The following MLLT10 variants were observed in gnomAD, a reference collection of about 807,000 sequenced individuals.
MLLT10 encodes MLLT10 histone lysine methyltransferase DOT1L cofactor, also known as protein AF-10.
In MLLT10, 30 loss-of-function variants were observed where a neutral mutation model predicts 129.1. The observed-to-expected ratio is 0.23, with a 90% CI of 0.17 to 0.32. The LOEUF is 0.32. Ranked by LOEUF, MLLT10 falls within the 10% of genes least tolerant of loss-of-function variation. The probability of loss-of-function intolerance (pLI) is 1.00; values close to 1 mark genes in which losing one functional copy is unlikely to be tolerated. For missense variants in MLLT10, 1,119 were observed against 1,268.3 expected, an observed-to-expected ratio of 0.88 and a Z score of 1.79; for synonymous variants, 490 against 446.4, an observed-to-expected ratio of 1.10 and a Z score of -1.23.
At chr10:21,701,692 T>C (rs2054929919) in intron 13 of MLLT10, among the ~76,000 whole-genome samples, 1 of 152,090 alleles carries the variant, frequency 6.6e-6, no homozygotes, top group Non-Finnish European at 1.5e-5. Flanking sequence ...GGTCCAGCAA[T>C]TCTCCTGCCT....
At position 21,622,323 on chromosome 10, in the gene MLLT10, AT is replaced by A. The variant is rs57240669; in HGVS notation, c.699+5135del. Among the ~76,000 whole-genome samples the A allele has an allele frequency of 8.4e-3, 1,153 of 136,690 alleles. 5 individuals carry two copies. The highest frequency in any genetic ancestry group is 0.012 in the African/African-American group (455 of 37,316). 89.7% of individuals were successfully genotyped at this position (136,690 alleles called of 152,430 possible). The stretch of plus-strand genomic sequence containing the variant: ...CCAGCGTATGCCACTATGCCGGCCA[AT>A]TTTTTTTTTTTTTTTTTTAAATTTG... On this transcript the variant is annotated intron_variant, in intron 8 of 22. Transcript: ENST00000307729.
intron 4 of MLLT10, among the ~76,000 whole-genome samples, chr10:21,594,409 T>C (rs910762147): frequency 1.3e-5 from 2 of 151,510 alleles, no homozygotes; most frequent in African/African-American, 4.9e-5. Context: ...ATTAGCCGGG[T>C]GTGGTGGTGC....
chr10:21,710,512 C>T (rs1242941763), intron 13 of MLLT10, among the ~76,000 whole-genome samples: 3 of 152,150 alleles, frequency 2.0e-5, no homozygotes, highest in African/African-American at 4.8e-5. Context: ...AACCATAGTG[C>T]AGACCAATAG....
At chr10:21,594,867 A>G (rs1005353433) in intron 4 of MLLT10, among the ~76,000 whole-genome samples, 6 of 152,176 alleles carry the variant, frequency 3.9e-5, no homozygotes, top group African/African-American at 7.2e-5. Flanking sequence ...GAAATTTAAC[A>G]CATTTCAAAT....
chr10:21,637,558 T>C (rs1282879005), intron 8 of MLLT10, among the ~76,000 whole-genome samples: 1 of 152,172 alleles, frequency 6.6e-6, no homozygotes, highest in Non-Finnish European at 1.5e-5. Flanking sequence ...TACAGAGCTA[T>C]TGAGACTGAG....
At chr10:21,656,968 A>G (rs1357333404) in intron 9 of MLLT10, among the ~76,000 whole-genome samples, 1 of 152,206 alleles carries the variant, frequency 6.6e-6, no homozygotes, top group Non-Finnish European at 1.5e-5. Context: ...TAATATGACA[A>G]AACAAGTAGA....
chr10:21,547,401 T>G (rs1276716732), intron 3 of MLLT10, among the ~76,000 whole-genome samples: 1 of 149,282 alleles, frequency 6.7e-6, no homozygotes, highest in African/African-American at 2.6e-5. Flanking sequence ...CTCTGCTGTT[T>G]TCTTTTTTTT....
At chr10:21,691,176 G>A (rs900564814) in intron 13 of MLLT10, among the ~76,000 whole-genome samples, 1 of 151,714 alleles carries the variant, frequency 6.6e-6, no homozygotes, top group Non-Finnish European at 1.5e-5. Flanking sequence ...TTTTCTCTCT[G>A]TGTAATGTAT....
At chr10:21,561,865 G>A (rs1334985477) in intron 3 of MLLT10, among the ~76,000 whole-genome samples, 2 of 151,764 alleles carry the variant, frequency 1.3e-5, no homozygotes, top group Non-Finnish European at 2.9e-5. Flanking sequence ...GAGTGTAGTG[G>A]CCCAATCTTG....
intron 3 of MLLT10, among the ~76,000 whole-genome samples, chr10:21,554,111 T>A (rs1331900721): frequency 6.6e-6 from 1 of 152,226 alleles, no homozygotes; most frequent in East Asian, 1.9e-4. Context: ...TGTTTTGGAA[T>A]GTGAGTTTAG....
intron 3 of MLLT10, among the ~76,000 whole-genome samples, chr10:21,548,319 G>C (rs1330466783): frequency 6.6e-6 from 1 of 150,900 alleles, no homozygotes; most frequent in Non-Finnish European, 1.5e-5. Context: ...TATATGTTTG[G>C]GATTTTCATT....
intron 12 of MLLT10, 78 bp downstream of exon 12, chr10:21,681,454 G>T: frequency 1.0e-6 from 1 of 964,402 alleles, no homozygotes. Context: ...TGCCACCTCG[G>T]AACCTCTAAA....
intron 3 of MLLT10, among the ~76,000 whole-genome samples, chr10:21,553,195 A>G (rs1490749780): frequency 6.6e-6 from 1 of 152,156 alleles, no homozygotes; most frequent in Non-Finnish European, 1.5e-5. Flanking sequence ...TGGGATTGCT[A>G]TCTTACTTGA....
intron 21 of MLLT10, among the ~76,000 whole-genome samples, chr10:21,735,667 G>T (rs534294513): frequency 6.6e-6 from 1 of 152,172 alleles, no homozygotes; most frequent in Non-Finnish European, 1.5e-5. Context: ...AGCACAGACC[G>T]ATGTGAGAGT....
At chr10:21,597,291 A>G (rs1357083011) in intron 5 of MLLT10, among the ~76,000 whole-genome samples, 1 of 152,168 alleles carries the variant, frequency 6.6e-6, no homozygotes, top group Non-Finnish European at 1.5e-5. Flanking sequence ...GATCTTTGGA[A>G]CCCATTCATG....
intron 3 of MLLT10, chr10:21,556,699 A>G (rs780679987): frequency 4.3e-6 from 7 of 1,612,488 alleles, no homozygotes; most frequent in Middle Eastern, 1.6e-4. Context: ...CTGGATACAT[A>G]GAACATCACT....
chr10:21,729,503 T>G (rs1005416983), intron 16 of MLLT10, among the ~76,000 whole-genome samples: 2 of 152,238 alleles, frequency 1.3e-5, no homozygotes, highest in Non-Finnish European at 2.9e-5. Flanking sequence ...ATGTGGCCCA[T>G]AATGTTTACA....
At chr10:21,538,088 C>T (rs1337233576) in intron 2 of MLLT10, among the ~76,000 whole-genome samples, 3 of 151,208 alleles carry the variant, frequency 2.0e-5, no homozygotes, top group Non-Finnish European at 2.9e-5. Context: ...GCAGCCTTGA[C>T]TTCCCAGGCT....
intron 13 of MLLT10, among the ~76,000 whole-genome samples, chr10:21,698,621 A>T (rs1300565473): frequency 6.6e-6 from 1 of 152,098 alleles, no homozygotes; most frequent in Non-Finnish European, 1.5e-5. Flanking sequence ...TGGAAGTTGT[A>T]TTTTTAGTTT....
Sources: gnomAD v4.1 joint callset for allele counts (sites outside exome capture counted in the v4.1 genomes callset) on GRCh38, gnomAD v4.1.1 for gene constraint, MANE v1.5 for transcripts, NCBI Gene and HGNC (gene_info 2026-07-23, HGNC 2026-07-21) for gene names.